Variants in FNBP1L observed in about 807,000 individuals in gnomAD.
FNBP1L encodes formin binding protein 1 like.
A neutral mutation model predicts 91.2 loss-of-function variants in FNBP1L; 36 were observed. That is an observed-to-expected ratio of 0.39 (90% CI 0.30 to 0.52). The LOEUF (loss-of-function observed/expected upper bound fraction) is 0.52, where lower values mean the gene tolerates loss of function less well. Ranked by LOEUF, FNBP1L falls within the 20% of genes least tolerant of loss-of-function variation. The pLI, the probability that FNBP1L is intolerant of heterozygous loss-of-function variation, is 0.66. For synonymous variants in FNBP1L, 242 were observed against 237.0 expected (o/e 1.02, Z -0.19); for missense variants, 571 against 732.1 (o/e 0.78, Z 2.54).
chr1:93,547,763 T>TG (rs1268040068), intron 14 of FNBP1L, among the ~76,000 whole-genome samples: 2 of 152,124 alleles, frequency 1.3e-5, no homozygotes, highest in Non-Finnish European at 2.9e-5. Flanking sequence ...GGGTCGCTTA[T>TG]GCCAAAGAAA....
chr1:93,550,912 A>T (rs376027213), intron 15 of FNBP1L, 35 bp from the exon 16 acceptor site: 1 of 1,488,532 alleles, frequency 6.7e-7, no homozygotes, highest in East Asian at 2.3e-5. Context: ...AATTATCACA[A>T]TGCTTAAATT....
chr1:93,456,562 A>G (rs1668668369), intron 1 of FNBP1L, among the ~76,000 whole-genome samples: 1 of 148,840 alleles, frequency 6.7e-6, no homozygotes, highest in African/African-American at 2.5e-5. Context: ...TTGAACCCAG[A>G]GAAACCAGCC....
At position 93,546,879 on chromosome 1, in the gene FNBP1L, A is replaced by C. The variant is rs1389212240; in HGVS notation, c.1312A>C (p.Asn438His). The change falls in exon 13 of 17, where the codon AAT (asparagine) becomes CAT (histidine). Residue 438 changes from asparagine to histidine, a missense_variant. Asn to His is a moderately conservative substitution (Grantham distance 68). Coordinates refer to ENST00000271234, the MANE Select transcript of FNBP1L (RefSeq NM_001164473.3). ...LNKMKDVYEK[N>H]PQMGDPGSLQ... is the part of the protein sequence containing the mutation. The stretch of plus-strand genomic sequence containing the variant: ...CAAAATGAAAGATGTATATGAGAAG[A>C]ATCCACAAATGGGGGATCCAGGGAG... The C allele has an allele frequency of 6.2e-7, 1 of 1,613,068 alleles. No individual in the cohort carries two copies. The highest frequency in any genetic ancestry group is 8.5e-7 in the Non-Finnish European group (1 of 1,179,448).
intron 1 of FNBP1L, among the ~76,000 whole-genome samples, chr1:93,474,927 T>C (rs1012345836): frequency 5.3e-5 from 8 of 152,210 alleles, no homozygotes; most frequent in South Asian, 2.1e-4. Flanking sequence ...GTAGGAGATA[T>C]ATATATCAAG....
At chr1:93,474,436 C>G (rs755129093) in intron 1 of FNBP1L, among the ~76,000 whole-genome samples, 2 of 151,862 alleles carry the variant, frequency 1.3e-5, no homozygotes, top group East Asian at 3.9e-4. Flanking sequence ...GCCCTTACTC[C>G]GAAGATAAGT....
At chr1:93,531,092 C>T in intron 7 of FNBP1L, among the ~76,000 whole-genome samples, 1 of 152,230 alleles carries the variant, frequency 6.6e-6, no homozygotes, top group East Asian at 1.9e-4. Context: ...GTGTTATAAA[C>T]AGTTTACTAA....
intron 4 of FNBP1L, 70 bp downstream of exon 4, chr1:93,523,561 T>C (rs1671401525): frequency 3.6e-6 from 5 of 1,402,238 alleles, no homozygotes; most frequent in Non-Finnish European, 4.8e-6. Flanking sequence ...TTTGTTTTCT[T>C]TAAAATGTGT....
chr1:93,539,043 T>TAAAACA (rs1671939742), intron 10 of FNBP1L, among the ~76,000 whole-genome samples: 2 of 152,060 alleles, frequency 1.3e-5, no homozygotes, highest in Admixed American at 1.3e-4. Context: ...TACTCGAACT[T>TAAAACA]AACTACTTAA....
intron 2 of FNBP1L, among the ~76,000 whole-genome samples, chr1:93,510,552 TCTC>T (rs1015086986): frequency 2.0e-5 from 3 of 151,974 alleles, no homozygotes; most frequent in African/African-American, 4.8e-5. Context: ...GCAGAGCGCC[TCTC>T]CTCCTCCAAA....
intron 1 of FNBP1L, among the ~76,000 whole-genome samples, chr1:93,462,549 T>C (rs1234486105): frequency 6.6e-6 from 1 of 152,198 alleles, no homozygotes; most frequent in African/African-American, 2.4e-5. Context: ...CACTTGGCAG[T>C]AACATTTTCT....
Position 93,529,761 on chromosome 1 carries a change from G to C in FNBP1L, c.510+5G>C. On this transcript the variant is annotated splice_donor_5th_base_variant and intron_variant, in intron 6 of 16. Transcript: ENST00000271234. ...ACCAAGGCAGATGTTGAAAAGGTAAGAAATACTCCAAACCAACTTTAATGT... is the reference window on the plus strand; with the variant it reads ...ACCAAGGCAGATGTTGAAAAGGTAACAAATACTCCAAACCAACTTTAATGT... The C allele has an allele frequency of 2.0e-6, 3 of 1,470,720 alleles. No individual in the cohort carries two copies. The highest frequency in any genetic ancestry group is 2.7e-6 in the Non-Finnish European group (3 of 1,100,372). The allele number at this position is 1,470,720 out of a possible 1,614,324, so 91.1% of individuals were successfully genotyped here.
intron 2 of FNBP1L, among the ~76,000 whole-genome samples, chr1:93,521,277 A>T (rs1671318684): frequency 6.6e-6 from 1 of 152,204 alleles, no homozygotes; most frequent in Non-Finnish European, 1.5e-5. Context: ...AGAGAAGGGT[A>T]AGGAGTCACA....
At chr1:93,542,443 G>GGAA (rs781047141) in intron 11 of FNBP1L, among the ~76,000 whole-genome samples, 1 of 82,558 alleles carries the variant, frequency 1.2e-5, no homozygotes, top group African/African-American at 4.6e-5. Context: ...ATTGGTAAAT[G>GGAA]AAAAAAAAAA....
At chr1:93,462,648 G>A (rs1410157610) in intron 1 of FNBP1L, among the ~76,000 whole-genome samples, 5 of 152,102 alleles carry the variant, frequency 3.3e-5, no homozygotes, top group African/African-American at 1.2e-4. Flanking sequence ...GAAAATGTCC[G>A]ATGTTTTTTC....
chr1:93,485,818 T>G (rs1394348510), intron 1 of FNBP1L, among the ~76,000 whole-genome samples: 1 of 152,132 alleles, frequency 6.6e-6, no homozygotes, highest in East Asian at 1.9e-4. Context: ...TGCCTTAGCC[T>G]CCCGAGTAGC....
intron 1 of FNBP1L, among the ~76,000 whole-genome samples, chr1:93,457,221 C>A (rs868257833): frequency 1.4e-4 from 22 of 152,304 alleles, no homozygotes; most frequent in Middle Eastern, 3.4e-3. Context: ...CCATTGATTA[C>A]TTTTGTAGGT....
At chr1:93,551,340 T>G (rs1672408376) in intron 16 of FNBP1L, 2 of 1,182,396 alleles carry the variant, frequency 1.7e-6, no homozygotes, top group Non-Finnish European at 2.1e-6. Context: ...GAAGCTTAAT[T>G]GATGCCTTTT....
At chr1:93,539,101 A>T (rs533759298) in intron 10 of FNBP1L, among the ~76,000 whole-genome samples, 1 of 151,978 alleles carries the variant, frequency 6.6e-6, no homozygotes, top group Non-Finnish European at 1.5e-5. Context: ...GTTTTATTGG[A>T]TACTGTTTTT....
chr1:93,511,210 G>C (rs1386985260), intron 2 of FNBP1L, among the ~76,000 whole-genome samples: 1 of 152,204 alleles, frequency 6.6e-6, no homozygotes, highest in Non-Finnish European at 1.5e-5. Flanking sequence ...AGAGAGAAAG[G>C]TCGGGTTACC....
Sources: allele counts gnomAD v4.1 joint callset (sites outside exome capture counted in the v4.1 genomes callset), GRCh38; gene constraint gnomAD v4.1.1; transcripts MANE v1.5; gene names NCBI Gene and HGNC (gene_info 2026-07-23, HGNC 2026-07-21).